The following SOS2 variants were observed in gnomAD, a reference collection of about 807,000 sequenced individuals.
The protein encoded by SOS2 is son of sevenless homolog 2.
SOS2 carries 65 observed loss-of-function variants against 148.2 expected under a neutral mutation model. That is an observed-to-expected ratio of 0.44 (90% CI 0.36 to 0.54). SOS2 has a LOEUF of 0.54. Among genes scored for constraint, SOS2 ranks in the 20% least tolerant of loss-of-function variants. The probability of loss-of-function intolerance (pLI) is 0.00; values close to 1 mark genes in which losing one functional copy is unlikely to be tolerated. For synonymous variants in SOS2, 539 were observed against 537.1 expected, an observed-to-expected ratio of 1.00 and a Z score of -0.05; for missense variants, 1,341 against 1,590.2, an observed-to-expected ratio of 0.84 and a Z score of 2.67.
chr14:50,147,156 A>C (rs1480944503), intron 14 of SOS2, among the ~76,000 whole-genome samples: 1 of 152,058 alleles, frequency 6.6e-6, no homozygotes, highest in Non-Finnish European at 1.5e-5. Context: ...TGATCATGCC[A>C]CTGCATCCCA....
chr14:50,121,358 C>T (rs1033347801), intron 21 of SOS2, among the ~76,000 whole-genome samples: 1 of 152,104 alleles, frequency 6.6e-6, no homozygotes, highest in Non-Finnish European at 1.5e-5. Flanking sequence ...TCTTATTTGT[C>T]ATTATACTGA....
At chr14:50,169,068 T>C (rs1267264357) in intron 8 of SOS2, among the ~76,000 whole-genome samples, 1 of 152,106 alleles carries the variant, frequency 6.6e-6, no homozygotes. Context: ...TCCCAGCAGT[T>C]TGGGAGGCCA....
At chr14:50,156,281 C>G (rs969220840) in intron 12 of SOS2, 1 of 151,870 alleles carries the variant, frequency 6.6e-6, no homozygotes, top group Non-Finnish European at 1.5e-5. Flanking sequence ...CACACACACA[C>G]GCAAAGAAAG....
chr14:50,171,027 T>G (rs183835375), intron 8 of SOS2, among the ~76,000 whole-genome samples: 3 of 150,948 alleles, frequency 2.0e-5, no homozygotes, highest in African/African-American at 7.3e-5. Flanking sequence ...GGCAGGAGAA[T>G]CGCTTGAACC....
At chr14:50,132,870 T>G (rs1434561973) in intron 19 of SOS2, among the ~76,000 whole-genome samples, 1 of 152,290 alleles carries the variant, frequency 6.6e-6, no homozygotes, top group South Asian at 2.1e-4. Context: ...ACAATGCTCC[T>G]GCTCATCCCT....
chr14:50,216,385 C>A (rs116365225), intron 1 of SOS2, among the ~76,000 whole-genome samples: 12 of 151,764 alleles, frequency 7.9e-5, no homozygotes, highest in African/African-American at 2.9e-4. Context: ...ACGTGAGCCA[C>A]GACACCCAGC....
intron 8 of SOS2, among the ~76,000 whole-genome samples, chr14:50,170,811 T>TA (rs537159978): frequency 0.026 from 3,444 of 130,306 alleles, 107 homozygotes; most frequent in African/African-American, 0.081. Flanking sequence ...TGACTATTAT[T>TA]AAAAAAAAAA....
Position 50,226,763 on chromosome 14 carries a change from A to C in SOS2, c.87+4434T>G, listed in dbSNP as rs924258663. On this transcript the variant is annotated intron_variant, in intron 1 of 22. Coordinates refer to ENST00000216373, the MANE Select transcript of SOS2 (RefSeq NM_006939.4). Reference sequence around the variant, plus strand: ...CCTGGTGAAAAACACCTTACAGAAAAGACATCTACAAAATAAATATCAGGG... The same window carrying C: ...CCTGGTGAAAAACACCTTACAGAAACGACATCTACAAAATAAATATCAGGG... Among the ~76,000 whole-genome samples, 12 of 152,356 alleles carry C rather than the reference A, an allele frequency of 7.9e-5. No homozygotes were observed. The East Asian group carries it at 1.9e-3, about 24-fold the overall frequency.
intron 21 of SOS2, among the ~76,000 whole-genome samples, chr14:50,127,138 CTTT>C (rs5808538): frequency 9.5e-5 from 10 of 105,312 alleles, no homozygotes; most frequent in South Asian, 2.9e-4. Context: ...AGAAGGTCTC[CTTT>C]TTTTTTTTTT....
At chr14:50,231,169 C>T in intron 1 of SOS2, 28 bp downstream of exon 1, 1 of 1,346,204 alleles carries the variant, frequency 7.4e-7, no homozygotes, top group Non-Finnish European at 9.8e-7. Flanking sequence ...ACGGGCCACC[C>T]GCCGGCCGCC....
intron 1 of SOS2, among the ~76,000 whole-genome samples, chr14:50,218,194 T>C (rs1170706966): frequency 9.0e-6 from 1 of 111,698 alleles, no homozygotes; most frequent in African/African-American, 3.5e-5. Flanking sequence ...AAGAGAATGG[T>C]ATATAATGAA....
At chr14:50,227,243 CTTTCTTTTTT>C (rs897627058) in intron 1 of SOS2, among the ~76,000 whole-genome samples, 14 of 112,650 alleles carry the variant, frequency 1.2e-4, no homozygotes, top group Admixed American at 8.0e-4. Flanking sequence ...TTCTTTCTTT[CTTTCTTTTTT>C]TTTTTTTTTG....
intron 14 of SOS2, 104 bp downstream of exon 14, chr14:50,149,904 T>C (rs2139594376): frequency 2.5e-6 from 2 of 792,892 alleles, no homozygotes; most frequent in Non-Finnish European, 2.1e-6. Flanking sequence ...TGAGAGTAGA[T>C]GAGGTATTTT....
intron 8 of SOS2, among the ~76,000 whole-genome samples, chr14:50,170,797 A>G (rs1452305843): frequency 1.3e-5 from 2 of 150,724 alleles, no homozygotes; most frequent in Non-Finnish European, 3.0e-5. Context: ...CGTATCCATT[A>G]GGATGACTAT....
intron 21 of SOS2, among the ~76,000 whole-genome samples, chr14:50,125,092 C>G (rs1044085331): frequency 3.3e-5 from 5 of 152,166 alleles, no homozygotes; most frequent in Non-Finnish European, 7.3e-5. Flanking sequence ...GGAATATAGT[C>G]TTTGCAGATG....
chr14:50,227,326 C>T (rs2139878381), intron 1 of SOS2, among the ~76,000 whole-genome samples: 1 of 144,384 alleles, frequency 6.9e-6, no homozygotes, highest in Non-Finnish European at 1.5e-5. Context: ...CCCACTCTAA[C>T]CTCTGCCTCC....
intron 5 of SOS2, among the ~76,000 whole-genome samples, chr14:50,183,462 T>C (rs1885809682): frequency 6.6e-6 from 1 of 151,440 alleles, no homozygotes; most frequent in African/African-American, 2.4e-5. Context: ...TCCAAGACAG[T>C]AAAAATCAAT....
At chr14:50,184,164 A>T (rs533947166) in intron 5 of SOS2, among the ~76,000 whole-genome samples, 1 of 152,200 alleles carries the variant, frequency 6.6e-6, no homozygotes, top group Non-Finnish European at 1.5e-5. Context: ...CTAAAACATC[A>T]TATGTGGCAG....
chr14:50,188,554 C>T lies in SOS2; in HGVS notation c.657G>A (p.Met219Ile), dbSNP rs1251376651. The T allele has an allele frequency of 6.2e-7, 1 of 1,604,964 alleles. No individual in the cohort carries two copies. Among genetic ancestry groups the T allele is most frequent in the Non-Finnish European group, 8.5e-7 (1 of 1,177,844 alleles). ...AGGCTTCTCGAAACACTTTTATGATCATATTTAATTCCCGTAGATACTGTC... is the reference window on the plus strand; with the variant it reads ...AGGCTTCTCGAAACACTTTTATGATTATATTTAATTCCCGTAGATACTGTC... Reference protein sequence around the residue: ...EERQYLRELNMIIKVFREAFL... With the variant: ...EERQYLRELNIIIKVFREAFL... Residue 219 changes from methionine (M) to isoleucine (I), a missense_variant, in exon 5 of 23, where the codon ATG (methionine) becomes ATA (isoleucine). By Grantham distance (10) the Met-to-Ile change is conservative (BLOSUM62 1). This residue lies in a region of SOS2 where 574 missense variants were observed against 711.1 expected (regional missense o/e 0.81). Coordinates refer to ENST00000216373, the MANE Select transcript of SOS2 (RefSeq NM_006939.4).
Sources: allele counts gnomAD v4.1 joint callset (sites outside exome capture counted in the v4.1 genomes callset), GRCh38; gene constraint gnomAD v4.1.1; regional missense constraint gnomAD v4.1.1; transcripts MANE v1.5; gene names NCBI Gene and HGNC (gene_info 2026-07-23, HGNC 2026-07-21).